The following STRN variants were observed in gnomAD, a reference collection of about 807,000 sequenced individuals.
STRN encodes the protein protein phosphatase 2 regulatory subunit B'''alpha.
A neutral mutation model predicts 96.3 loss-of-function variants in STRN; 53 were observed. That is an observed-to-expected ratio of 0.55 (90% CI 0.44 to 0.69). The LOEUF (loss-of-function observed/expected upper bound fraction) is 0.69, where lower values mean the gene tolerates loss of function less well. Ranked by LOEUF, STRN falls within the 30% of genes least tolerant of loss-of-function variation. The pLI is 0.00. For missense variants in STRN, 987 were observed against 963.9 expected (o/e 1.02, Z -0.32); for synonymous variants, 428 against 355.9 (o/e 1.20, Z -2.28).
chr2:36,933,902 G>C (rs921098383), intron 1 of STRN, among the ~76,000 whole-genome samples: 4 of 152,200 alleles, frequency 2.6e-5, no homozygotes, highest in African/African-American at 9.6e-5. Context: ...CCGAGGTCAG[G>C]AGTTTGATAC....
At chr2:36,885,816 T>C (rs1207897128) in intron 8 of STRN, among the ~76,000 whole-genome samples, 1 of 152,126 alleles carries the variant, frequency 6.6e-6, no homozygotes, top group Non-Finnish European at 1.5e-5. Flanking sequence ...TCTCACTAAG[T>C]TAGATTTTAA....
At chr2:36,913,474 C>T (rs993345101) in intron 3 of STRN, among the ~76,000 whole-genome samples, 3 of 152,166 alleles carry the variant, frequency 2.0e-5, no homozygotes, top group African/African-American at 7.2e-5. Flanking sequence ...CCTACTTGTC[C>T]TTCAGATGTC....
chr2:36,920,121 C>T (rs1183057045), intron 2 of STRN, among the ~76,000 whole-genome samples: 1 of 152,038 alleles, frequency 6.6e-6, no homozygotes, highest in Non-Finnish European at 1.5e-5. Flanking sequence ...TAAAATAGAT[C>T]AAGGTGAAAA....
chr2:36,861,731 GCACACACACACACACACA>G (rs59999370), intron 12 of STRN, among the ~76,000 whole-genome samples: 1 of 150,478 alleles, frequency 6.6e-6, no homozygotes. Flanking sequence ...CATTGCGTGA[GCACACACACACACACACA>G]CACACACACA....
intron 1 of STRN, among the ~76,000 whole-genome samples, chr2:36,957,736 C>CTTTT (rs1470880818): frequency 6.2e-5 from 6 of 96,306 alleles, no homozygotes; most frequent in African/African-American, 1.8e-4. Context: ...CATAGTTCTT[C>CTTTT]TTTTTGTCTT....
At chr2:36,873,241 A>C (rs1668812344) in intron 10 of STRN, among the ~76,000 whole-genome samples, 1 of 152,258 alleles carries the variant, frequency 6.6e-6, no homozygotes, top group Admixed American at 6.5e-5. Flanking sequence ...AAATTATAAC[A>C]TTTGGTCTGA....
intron 1 of STRN, among the ~76,000 whole-genome samples, chr2:36,929,333 A>G (rs756743692): frequency 6.6e-6 from 1 of 152,228 alleles, no homozygotes; most frequent in Non-Finnish European, 1.5e-5. Context: ...AATATCTAAT[A>G]AACAATTAAA....
chr2:36,953,594 G>T (rs1664810605), intron 1 of STRN, among the ~76,000 whole-genome samples: 3 of 151,934 alleles, frequency 2.0e-5, no homozygotes. Flanking sequence ...AGTAGAGACA[G>T]GGTTTCACCA....
intron 8 of STRN, among the ~76,000 whole-genome samples, chr2:36,884,722 G>GT (rs1233587353): frequency 6.6e-6 from 1 of 151,964 alleles, no homozygotes; most frequent in Non-Finnish European, 1.5e-5. Context: ...GCCTAGAAAT[G>GT]TATTTCAAGA....
chr2:36,922,458 G>T (rs116096481), intron 2 of STRN, among the ~76,000 whole-genome samples: 2 of 147,506 alleles, frequency 1.4e-5, no homozygotes, highest in African/African-American at 2.5e-5. Flanking sequence ...GGCTGACACC[G>T]CAGTGAATCA....
At chr2:36,900,647 T>C (rs556255132) in intron 5 of STRN, among the ~76,000 whole-genome samples, 12 of 152,266 alleles carry the variant, frequency 7.9e-5, no homozygotes, top group African/African-American at 2.6e-4. Context: ...TCCCAGCACT[T>C]TGGGAGGCTG....
chr2:36,905,095 A>G (rs1477655740), intron 4 of STRN, among the ~76,000 whole-genome samples: 1 of 151,304 alleles, frequency 6.6e-6, no homozygotes, highest in East Asian at 1.9e-4. Flanking sequence ...TCAGCCTCCC[A>G]AGAAGCTGGG....
rs1668113054 is a variant in STRN at position 36,847,672 on chromosome 2, A to C, written c.*1784T>G. 1 of 152,190 alleles carries C rather than the reference A, an allele frequency of 6.6e-6. No homozygotes were observed. Among genetic ancestry groups the C allele is most frequent in the African/African-American group, 2.4e-5 (1 of 41,452 alleles). The allele number at this position is 152,190 out of a possible 1,614,324, so 9.4% of individuals were successfully genotyped here. ...TGTATGAAAATCAGGCAAATTTAGC[A>C]CAAGTCTCTAGCTTTAAAGAAAATT... On this transcript the variant is annotated 3_prime_UTR_variant, in exon 18 of 18. Transcript: ENST00000263918.
intron 1 of STRN, among the ~76,000 whole-genome samples, chr2:36,936,325 GGTTTT>G (rs1670700884): frequency 1.3e-5 from 2 of 151,854 alleles, no homozygotes; most frequent in Non-Finnish European, 2.9e-5. Context: ...ATTCTGTTTT[GGTTTT>G]ATTTTCTTCT....
At chr2:36,900,613 G>A (rs1364999282) in intron 5 of STRN, among the ~76,000 whole-genome samples, 1 of 152,248 alleles carries the variant, frequency 6.6e-6, no homozygotes, top group East Asian at 1.9e-4. Context: ...AAGACTGGCT[G>A]GACGCAGTGG....
At chr2:36,907,393 C>G (rs2148207010) in intron 3 of STRN, among the ~76,000 whole-genome samples, 1 of 152,204 alleles carries the variant, frequency 6.6e-6, no homozygotes, top group South Asian at 2.1e-4. Context: ...ACTAAAAATA[C>G]AAAACCTTAG....
chr2:36,937,091 C>A (rs541402150), intron 1 of STRN, among the ~76,000 whole-genome samples: 1 of 152,066 alleles, frequency 6.6e-6, no homozygotes, highest in African/African-American at 2.4e-5. Context: ...TGCTTGTAAT[C>A]CCAGCACTTT....
chr2:36,885,486 C>T (rs772938002), intron 8 of STRN, among the ~76,000 whole-genome samples: 5 of 151,960 alleles, frequency 3.3e-5, no homozygotes, highest in African/African-American at 7.3e-5. Flanking sequence ...GTATATTTGG[C>T]GAAAAGGTAT....
intron 6 of STRN, among the ~76,000 whole-genome samples, chr2:36,895,345 T>C (rs1305832932): frequency 2.0e-5 from 3 of 151,012 alleles, no homozygotes; most frequent in Non-Finnish European, 3.0e-5. Flanking sequence ...AAAAACACAA[T>C]TGGATAGGAG....
Sources: allele counts gnomAD v4.1 joint callset (sites outside exome capture counted in the v4.1 genomes callset), GRCh38; gene constraint gnomAD v4.1.1; transcripts MANE v1.5; gene names NCBI Gene and HGNC (gene_info 2026-07-23, HGNC 2026-07-21).